Variants in NRXN1 observed in about 807,000 individuals in gnomAD.
The protein encoded by NRXN1 is neurexin 1.
Under a neutral mutation model 150.9 loss-of-function variants are expected in NRXN1, and 39 were observed. The observed-to-expected ratio is 0.26, with a 90% CI of 0.20 to 0.34. The LOEUF is 0.34. NRXN1 is among the 10% of genes least tolerant of loss of function. The probability of loss-of-function intolerance (pLI) is 1.00; values close to 1 mark genes in which losing one functional copy is unlikely to be tolerated. For synonymous variants in NRXN1, 924 were observed against 757.0 expected (o/e 1.22, Z -3.62); for missense variants, 1,815 against 1,949.9 (o/e 0.93, Z 1.30).
intron 22 of NRXN1, among the ~76,000 whole-genome samples, chr2:49,931,296 C>G (rs1325064325): frequency 6.6e-6 from 1 of 152,132 alleles, no homozygotes; most frequent in African/African-American, 2.4e-5. Flanking sequence ...TCAGAAATCA[C>G]TTCTTCTGTG....
intron 2 of NRXN1, among the ~76,000 whole-genome samples, chr2:51,005,276 A>T (rs1700568616): frequency 6.6e-6 from 1 of 152,078 alleles, no homozygotes; most frequent in Admixed American, 6.6e-5. Context: ...AAATCTACAC[A>T]TTTTTAAACT....
chr2:50,183,412 T>G lies in NRXN1; in HGVS notation c.3546+53377A>C, dbSNP rs117439699. ...CCAAAGAGACAGCTGTTTCTGAATG[T>G]TGGAGATTTGGGGAGTTTTTTTTTA... On this transcript the variant is annotated intron_variant, in intron 18 of 22. Transcript: ENST00000401669. Among the ~76,000 whole-genome samples, 5 of 152,088 alleles carry G rather than the reference T, an allele frequency of 3.3e-5. No individual in the cohort carries two copies. The East Asian group carries it at 9.7e-4, about 29-fold the overall frequency.
chr2:50,647,556 C>A (rs1341105001), intron 5 of NRXN1, among the ~76,000 whole-genome samples: 1 of 151,882 alleles, frequency 6.6e-6, no homozygotes, highest in Non-Finnish European at 1.5e-5. Flanking sequence ...AGTGGAAATG[C>A]AAAGTAGCGC....
At chr2:50,387,789 G>T (rs1036431005) in intron 17 of NRXN1, among the ~76,000 whole-genome samples, 7 of 152,064 alleles carry the variant, frequency 4.6e-5, no homozygotes, top group Non-Finnish European at 7.4e-5. Context: ...TTAAACACTC[G>T]ATTACTTTTA....
intron 8 of NRXN1, among the ~76,000 whole-genome samples, chr2:50,559,133 G>C (rs750327396): frequency 3.9e-5 from 6 of 152,148 alleles, no homozygotes; most frequent in Middle Eastern, 3.4e-3. Flanking sequence ...TTTATTTCAA[G>C]TACCAGAATT....
chr2:50,306,948 G>C (rs556093977), intron 17 of NRXN1, among the ~76,000 whole-genome samples: 8 of 152,122 alleles, frequency 5.3e-5, no homozygotes, highest in African/African-American at 1.9e-4. Context: ...TAAAAATGAG[G>C]AACTGTCTGC....
At chr2:50,402,685 T>C (rs760141150) in intron 17 of NRXN1, among the ~76,000 whole-genome samples, 3 of 152,140 alleles carry the variant, frequency 2.0e-5, no homozygotes, top group Admixed American at 6.6e-5. Context: ...TCTTTTTACA[T>C]AGTCATCATT....
rs1404420754 is a variant in NRXN1, at chr2:50,983,244, G to A, written c.772+44258C>T. Among the ~76,000 whole-genome samples, 5 of 151,992 alleles carry A rather than the reference G, an allele frequency of 3.3e-5. No individual in the cohort carries two copies. The East Asian group carries it at 9.7e-4, about 29-fold the overall frequency. ...ATCTCTAAGTTTACCTCTCAAATCA[G>A]AGAGGATGGAAAGATACTCTTTGCA... On this transcript the variant is annotated intron_variant, in intron 2 of 22. Transcript: ENST00000401669.
At chr2:50,535,417 C>T (rs1042148203) in intron 10 of NRXN1, among the ~76,000 whole-genome samples, 44 of 152,238 alleles carry the variant, frequency 2.9e-4, no homozygotes, top group African/African-American at 1.0e-3. Context: ...TCAGTTTTGC[C>T]GAAAGGCAGT....
At chr2:50,205,401 A>G (rs1335515316) in intron 18 of NRXN1, among the ~76,000 whole-genome samples, 2 of 152,208 alleles carry the variant, frequency 1.3e-5, no homozygotes, top group East Asian at 3.9e-4. Context: ...ATCTGAGAAA[A>G]AAATACTAAT....
At chr2:50,182,954 G>T (rs2060830451) in intron 18 of NRXN1, among the ~76,000 whole-genome samples, 2 of 151,942 alleles carry the variant, frequency 1.3e-5, no homozygotes, top group African/African-American at 4.8e-5. Context: ...TCACTAGAAG[G>T]CTGTTTATAG....
At chr2:50,495,003 C>A (rs1263821387) in intron 15 of NRXN1, among the ~76,000 whole-genome samples, 2 of 150,682 alleles carry the variant, frequency 1.3e-5, no homozygotes, top group Non-Finnish European at 2.9e-5. Flanking sequence ...TGCACTCCAG[C>A]CTGGGTGACG....
intron 2 of NRXN1, among the ~76,000 whole-genome samples, chr2:51,013,451 G>T (rs1278813712): frequency 6.6e-6 from 1 of 150,414 alleles, no homozygotes; most frequent in Non-Finnish European, 1.5e-5. Context: ...TTGAAATAGA[G>T]TTGTTTTTTT....
rs572836365 is a variant in NRXN1 at position 50,629,295 on chromosome 2, G to C, written c.833-5680C>G. ...ATATTAAATAACAATGTGAATCTATGAGCTGCAACTGCAACAGAAATACAG... is the reference window on the plus strand; with the variant it reads ...ATATTAAATAACAATGTGAATCTATCAGCTGCAACTGCAACAGAAATACAG... On this transcript the variant is annotated intron_variant, in intron 5 of 22. Transcript: ENST00000401669. 2.0e-3 allele frequency among the ~76,000 whole-genome samples: 309 copies of C among 151,614 alleles called. 1 individual carries two copies. Among genetic ancestry groups the C allele is most frequent in the African/African-American group, 7.1e-3 (293 of 41,468 alleles).
chr2:50,976,671 G>A (rs900775177), intron 2 of NRXN1, among the ~76,000 whole-genome samples: 3 of 151,784 alleles, frequency 2.0e-5, no homozygotes, highest in African/African-American at 7.3e-5. Flanking sequence ...GAAGTACTCG[G>A]GAACTGTAAC....
At chr2:50,563,211 T>C (rs1015761790) in intron 8 of NRXN1, among the ~76,000 whole-genome samples, 19 of 152,346 alleles carry the variant, frequency 1.2e-4, no homozygotes, top group African/African-American at 4.6e-4. Context: ...AAGGGGACTT[T>C]AGAATAGCCC....
intron 17 of NRXN1, among the ~76,000 whole-genome samples, chr2:50,339,946 C>A (rs1456765653): frequency 6.6e-6 from 1 of 152,048 alleles, no homozygotes; most frequent in Non-Finnish European, 1.5e-5. Flanking sequence ...TGGAAAGTAC[C>A]AATGCTGGGA....
At chr2:50,242,230 C>T (rs1394648042) in intron 17 of NRXN1, among the ~76,000 whole-genome samples, 3 of 151,728 alleles carry the variant, frequency 2.0e-5, no homozygotes, top group African/African-American at 7.2e-5. Context: ...ACAACCTTTT[C>T]CAGATGCTGT....
At chr2:50,853,997 T>C (rs1021491932) in intron 5 of NRXN1, among the ~76,000 whole-genome samples, 5 of 152,098 alleles carry the variant, frequency 3.3e-5, no homozygotes, top group South Asian at 2.1e-4. Flanking sequence ...AATTTTCCCA[T>C]TGAGTACAAT....
Sources: gnomAD v4.1 joint callset for allele counts (sites outside exome capture counted in the v4.1 genomes callset) on GRCh38, gnomAD v4.1.1 for gene constraint, MANE v1.5 for transcripts, NCBI Gene and HGNC (gene_info 2026-07-23, HGNC 2026-07-21) for gene names.